The following MYCBP2 variants were observed in gnomAD, a reference collection of about 807,000 sequenced individuals.
MYCBP2 encodes MYC binding protein 2.
Under a neutral mutation model 525.3 loss-of-function variants are expected in MYCBP2, and 120 were observed. That is an observed-to-expected ratio of 0.23 (90% CI 0.20 to 0.27). MYCBP2 has a LOEUF of 0.27. MYCBP2 is among the 10% of genes least tolerant of loss of function. The pLI, the probability that MYCBP2 is intolerant of heterozygous loss-of-function variation, is 1.00. For synonymous variants in MYCBP2, 1,894 were observed against 1,955.8 expected (o/e 0.97, Z 0.83); for missense variants, 4,149 against 5,657.1 (o/e 0.73, Z 8.55).
chr13:77,119,207 AT>A (rs1477678827), intron 55 of MYCBP2, among the ~76,000 whole-genome samples: 1 of 152,058 alleles, frequency 6.6e-6, no homozygotes, highest in Non-Finnish European at 1.5e-5. Flanking sequence ...TTTTACAAAA[AT>A]TTTTTTTAAG....
intron 1 of MYCBP2, among the ~76,000 whole-genome samples, chr13:77,320,016 T>G (rs755639553): frequency 7.2e-5 from 11 of 151,938 alleles, no homozygotes; most frequent in African/African-American, 2.7e-4. Context: ...GAGGAAGGAG[T>G]TGATCTGCAA....
intron 17 of MYCBP2, among the ~76,000 whole-genome samples, chr13:77,237,746 G>T (rs901681317): frequency 6.6e-6 from 1 of 152,078 alleles, no homozygotes; most frequent in Non-Finnish European, 1.5e-5. Flanking sequence ...GTAAAAAAGT[G>T]TGAGAAGTTA....
chr13:77,201,078 A>G (rs1184567854), intron 26 of MYCBP2, among the ~76,000 whole-genome samples: 1 of 152,224 alleles, frequency 6.6e-6, no homozygotes, highest in African/African-American at 2.4e-5. Context: ...AAATGCTCCA[A>G]TTAAAAGACA....
chr13:77,126,294 T>A (rs1230027249), intron 53 of MYCBP2, 24 bp downstream of exon 53: 2 of 1,594,032 alleles, frequency 1.3e-6, no homozygotes, highest in East Asian at 2.2e-5. Flanking sequence ...ATCTTAGAAG[T>A]CATGAAGCTA....
chr13:77,306,762 C>G (rs909864399), intron 1 of MYCBP2, among the ~76,000 whole-genome samples: 18 of 151,994 alleles, frequency 1.2e-4, no homozygotes, highest in African/African-American at 4.4e-4. Context: ...CAGAGAACAA[C>G]AAGAGGAATG....
At position 77,058,359 on chromosome 13, in the gene MYCBP2, T is replaced by C. The variant is rs768841585; in HGVS notation, c.13188A>G (p.Pro4396=). Residue 4396 remains proline, a synonymous_variant, in exon 78 of 83, where the codon CCA becomes CCG. Transcript: ENST00000544440. This position sits in a 1 kb window ranked among gnomAD's most constrained non-coding sequence, Gnocchi z 4.1. ...GCTCTTCGTTTTTAACACCCCCGCA[T>C]GGATGGCCACAAGGATGCGTCTTAC... is the stretch of plus-strand genomic sequence containing the variant. ...ACSKTHPCGH[P]CGGVKNEEHC... 3.7e-6 allele frequency: 6 copies of C among 1,613,970 alleles called. No individual in the cohort carries two copies. Among genetic ancestry groups the C allele is most frequent in the Non-Finnish European group, 5.1e-6 (6 of 1,179,936 alleles).
At chr13:77,227,463 TACACACACACACACACATACACAC>T (rs950993130) in intron 18 of MYCBP2, among the ~76,000 whole-genome samples, 23 of 118,710 alleles carry the variant, frequency 1.9e-4, no homozygotes, top group Non-Finnish European at 3.3e-4. Flanking sequence ...TGCAAAAGCC[TACACACACACACACACATACACAC>T]ACACACACAC....
intron 1 of MYCBP2, among the ~76,000 whole-genome samples, chr13:77,307,137 T>C (rs2079535460): frequency 6.6e-6 from 1 of 152,124 alleles, no homozygotes; most frequent in African/African-American, 2.4e-5. Context: ...GCTAAAAATA[T>C]GTCCCTGAGA....
chr13:77,067,693 T>C lies in MYCBP2; in HGVS notation c.12343A>G (p.Lys4115Glu). The C allele has an allele frequency of 6.2e-7, 1 of 1,614,166 alleles. No individual in the cohort carries two copies. Among genetic ancestry groups the C allele is most frequent in the Non-Finnish European group, 8.5e-7 (1 of 1,180,034 alleles). ...ILDMFLGCIA[K>E]ALTVQLKAKG... The stretch of plus-strand genomic sequence containing the variant: ...GCTTTTAGCTGTACAGTGAGTGCTT[T>C]GGCAATGCATCCTAGAAACATGTCC... The change falls in exon 71 of 83, where the codon AAA becomes GAA. Residue 4115 changes from lysine to glutamate, a missense_variant. This residue lies in a region of MYCBP2 where 148 missense variants were observed against 179.4 expected (regional missense o/e 0.82). Transcript: ENST00000544440.
At chr13:77,225,659 G>C (rs1337013060) in intron 18 of MYCBP2, 105 bp from the exon 19 acceptor site, 3 of 1,372,340 alleles carry the variant, frequency 2.2e-6, no homozygotes, top group South Asian at 2.8e-5. Context: ...ATGTTAAAAG[G>C]AACAAGCAAG....
chr13:77,280,668 G>A (rs906290821), intron 3 of MYCBP2, among the ~76,000 whole-genome samples: 1 of 152,148 alleles, frequency 6.6e-6, no homozygotes, highest in Non-Finnish European at 1.5e-5. Flanking sequence ...ACTGCCTAAT[G>A]AACAGGTTCT....
At chr13:77,066,140 C>A in intron 71 of MYCBP2, 52 bp from the exon 72 acceptor site, 2 of 1,224,152 alleles carry the variant, frequency 1.6e-6, no homozygotes, top group Non-Finnish European at 2.4e-6. Context: ...GTAGTAGTAA[C>A]AAATGAAAAA....
At chr13:77,211,794 G>C (rs937010222) in intron 22 of MYCBP2, among the ~76,000 whole-genome samples, 162 bp downstream of exon 22, 1 of 152,138 alleles carries the variant, frequency 6.6e-6, no homozygotes, top group Non-Finnish European at 1.5e-5. Context: ...TCAGCATAGA[G>C]ACACATATAA....
At chr13:77,180,428 G>T in intron 33 of MYCBP2, 110 bp from the exon 34 acceptor site, 1 of 899,840 alleles carries the variant, frequency 1.1e-6, no homozygotes, top group Non-Finnish European at 1.7e-6. Context: ...ACTTGAATCA[G>T]GGTCAATTTC....
At chr13:77,260,877 C>T (rs1480379703) in intron 12 of MYCBP2, among the ~76,000 whole-genome samples, 1 of 152,094 alleles carries the variant, frequency 6.6e-6, no homozygotes, top group African/African-American at 2.4e-5. Context: ...TCCTGGAGGG[C>T]CCAATCTCTA....
At chr13:77,268,719 C>A (rs1310371109) in intron 7 of MYCBP2, among the ~76,000 whole-genome samples, 1 of 151,090 alleles carries the variant, frequency 6.6e-6, no homozygotes, top group Non-Finnish European at 1.5e-5. Context: ...GCGGAGGTTG[C>A]AGTGAGCTGA....
chr13:77,068,868 G>C (rs757843371), intron 69 of MYCBP2, 37 bp from the exon 70 acceptor site: 1 of 1,592,256 alleles, frequency 6.3e-7, no homozygotes, highest in South Asian at 1.1e-5. Context: ...AAAAATATAG[G>C]GTTAGTTTGA....
intron 47 of MYCBP2, among the ~76,000 whole-genome samples, chr13:77,150,185 T>C (rs1387507338): frequency 6.6e-6 from 1 of 152,194 alleles, no homozygotes; most frequent in Non-Finnish European, 1.5e-5. Context: ...TTCTAGGAGA[T>C]ACATCTGGCA....
chr13:77,166,696 G>T, intron 40 of MYCBP2, 142 bp from the exon 41 acceptor site: 1 of 480,928 alleles, frequency 2.1e-6, no homozygotes, highest in South Asian at 7.0e-5. Flanking sequence ...AGAATAAAAT[G>T]TTACCTATGA....
Sources: allele counts gnomAD v4.1 joint callset (sites outside exome capture counted in the v4.1 genomes callset), GRCh38; gene constraint gnomAD v4.1.1; regional missense constraint gnomAD v4.1.1; non-coding constraint Gnocchi (gnomAD v3.1); transcripts MANE v1.5; gene names NCBI Gene and HGNC (gene_info 2026-07-23, HGNC 2026-07-21).